The following TP63 variants were observed in gnomAD, a reference collection of about 807,000 sequenced individuals.
TP63 encodes the protein tumor protein p63.
In TP63, 17 loss-of-function variants were observed where a neutral mutation model predicts 82.8. The ratio of observed to expected loss-of-function variants is 0.21; its 90% CI spans 0.14 to 0.31. The LOEUF (loss-of-function observed/expected upper bound fraction) is 0.31. Ranked by LOEUF, TP63 falls within the 10% of genes least tolerant of loss-of-function variation. The pLI, the probability that TP63 is intolerant of heterozygous loss-of-function variation, is 1.00. For synonymous variants in TP63, 330 were observed against 321.7 expected (o/e 1.03, Z -0.28); for missense variants, 648 against 895.3 (o/e 0.72, Z 3.52).
At chr3:189,893,578 A>G (rs1381630412) in intron 13 of TP63, among the ~76,000 whole-genome samples, 1 of 152,202 alleles carries the variant, frequency 6.6e-6, no homozygotes, top group Non-Finnish European at 1.5e-5. Flanking sequence ...GCTTTATTCA[A>G]ACACCAAGAG....
chr3:189,749,541 T>C (rs1721639673), intron 3 of TP63, among the ~76,000 whole-genome samples: 1 of 152,178 alleles, frequency 6.6e-6, no homozygotes. Flanking sequence ...AAATAACAGA[T>C]GTTATTGAGG....
chr3:189,661,858 A>G (rs1436330927), intron 1 of TP63, among the ~76,000 whole-genome samples: 1 of 152,030 alleles, frequency 6.6e-6, no homozygotes, highest in African/African-American at 2.4e-5. Context: ...GTGTGAATAG[A>G]TATGTTTATA....
At chr3:189,709,767 A>C (rs900414084) in intron 1 of TP63, among the ~76,000 whole-genome samples, 1 of 152,138 alleles carries the variant, frequency 6.6e-6, no homozygotes, top group Non-Finnish European at 1.5e-5. Flanking sequence ...ACACTTTAGG[A>C]GGCATACATG....
At chr3:189,783,940 T>C (rs185971434) in intron 3 of TP63, among the ~76,000 whole-genome samples, 1 of 151,836 alleles carries the variant, frequency 6.6e-6, no homozygotes, top group Non-Finnish European at 1.5e-5. Context: ...GTTGTAGGAG[T>C]ACTTAACAGG....
intron 1 of TP63, among the ~76,000 whole-genome samples, chr3:189,717,772 T>C (rs1188303632): frequency 6.6e-6 from 1 of 152,204 alleles, no homozygotes; most frequent in Non-Finnish European, 1.5e-5. Context: ...GTTTTCTTTG[T>C]GTTCTTTTTT....
chr3:189,656,172 A>G (rs1713340867), intron 1 of TP63, among the ~76,000 whole-genome samples: 1 of 152,210 alleles, frequency 6.6e-6, no homozygotes, highest in African/African-American at 2.4e-5. Flanking sequence ...TTAAATGATT[A>G]AAGTGTATAG....
rs186893841 is a variant in TP63 at position 189,664,352 on chromosome 3, A to C, written c.62+32775A>C. ...AGGGCAGTACTATGCTCAAAATTAC[A>C]TAGAAATATTTTTTCAAAAACATTC... On this transcript the variant is annotated intron_variant, in intron 1 of 13. Transcript: ENST00000264731. Among the ~76,000 whole-genome samples the C allele has an allele frequency of 3.4e-4, 52 of 152,292 alleles. 1 individual carries two copies. The South Asian group carries it at 0.01, about 30-fold the overall frequency.
chr3:189,661,774 C>G (rs1006943208), intron 1 of TP63, among the ~76,000 whole-genome samples: 2 of 151,974 alleles, frequency 1.3e-5, no homozygotes, highest in African/African-American at 4.8e-5. Context: ...TTCAGAGTTT[C>G]AATTTCTTCC....
chr3:189,722,609 GTGCA>G (rs1719477518), intron 1 of TP63, among the ~76,000 whole-genome samples: 2 of 32,550 alleles, frequency 6.1e-5, no homozygotes, highest in South Asian at 7.4e-4. Flanking sequence ...AGTCCGCACA[GTGCA>G]CAGTGTGATA....
rs35694511 is a variant in TP63 at position 189,897,127 on chromosome 3, A to T, written c.*2625A>T. 75 of 223,442 alleles carry T rather than the reference A, an allele frequency of 3.4e-4. No homozygotes were observed. In the East Asian group the frequency reaches 4.5e-3, roughly 13 times the overall value. 13.8% of individuals were successfully genotyped at this position (223,442 alleles called of 1,614,324 possible). On this transcript the variant is annotated 3_prime_UTR_variant, in exon 14 of 14. Transcript: ENST00000264731. The stretch of plus-strand genomic sequence containing the variant: ...TATTAATGTTTTCAAAAGGTATTAT[A>T]CATGTGATACATTTTTTAAGCTTCA...
intron 1 of TP63, among the ~76,000 whole-genome samples, chr3:189,686,142 C>T (rs148031518): frequency 0.012 from 1,854 of 152,212 alleles, 14 homozygotes; most frequent in Middle Eastern, 0.041. Flanking sequence ...TCGTCATTTC[C>T]GGAGGGAAAG....
chr3:189,876,510 A>T (rs898389079), intron 10 of TP63, among the ~76,000 whole-genome samples: 2 of 152,234 alleles, frequency 1.3e-5, no homozygotes, highest in Non-Finnish European at 2.9e-5. Flanking sequence ...AAGAACTAGT[A>T]GCTTCATAGT....
At chr3:189,840,903 C>G (rs1416214227) in intron 4 of TP63, among the ~76,000 whole-genome samples, 1 of 150,274 alleles carries the variant, frequency 6.7e-6, no homozygotes, top group Non-Finnish European at 1.5e-5. Flanking sequence ...TTCCCAATAA[C>G]CTTCTTGGGC....
At chr3:189,868,444 C>T in intron 7 of TP63, 136 bp from the exon 8 acceptor site, 1 of 1,301,732 alleles carries the variant, frequency 7.7e-7, no homozygotes, top group Non-Finnish European at 1.1e-6. Flanking sequence ...CTTTTGGGTC[C>T]ATTCTCAAAG....
chr3:189,629,782 G>A (rs1189367492), upstream of TP63, among the ~76,000 whole-genome samples: 3 of 152,260 alleles, frequency 2.0e-5, no homozygotes, highest in East Asian at 1.9e-4. Flanking sequence ...CATTATAAAT[G>A]GAATCACTTG....
intron 1 of TP63, among the ~76,000 whole-genome samples, chr3:189,646,187 A>G (rs1253095361): frequency 1.4e-5 from 2 of 147,246 alleles, no homozygotes; most frequent in African/African-American, 2.5e-5. Context: ...AAAAACTTGA[A>G]GTTGTAGTTC....
intron 1 of TP63, among the ~76,000 whole-genome samples, chr3:189,637,867 G>A (rs566321565): frequency 2.0e-5 from 3 of 152,240 alleles, no homozygotes; most frequent in South Asian, 4.1e-4. Context: ...GGAATAACTC[G>A]TATTATCCCT....
At chr3:189,699,425 A>C (rs546374622) in intron 1 of TP63, among the ~76,000 whole-genome samples, 1 of 152,326 alleles carries the variant, frequency 6.6e-6, no homozygotes, top group East Asian at 1.9e-4. Context: ...AAGAAATTAA[A>C]AGTTTGGACA....
At chr3:189,808,561 C>A in intron 4 of TP63, 35 bp downstream of exon 4, 1 of 1,611,120 alleles carries the variant, frequency 6.2e-7, no homozygotes, top group Non-Finnish European at 8.5e-7. Context: ...CCTGACCCCC[C>A]AAGTCCAAGG....
Sources: gnomAD v4.1 joint callset for allele counts (sites outside exome capture counted in the v4.1 genomes callset) on GRCh38, gnomAD v4.1.1 for gene constraint, MANE v1.5 for transcripts, NCBI Gene and HGNC (gene_info 2026-07-23, HGNC 2026-07-21) for gene names.